The following ZBTB7C variants were observed in gnomAD, a reference collection of about 807,000 sequenced individuals.
The protein encoded by ZBTB7C is zinc finger and BTB domain-containing protein 7C.
ZBTB7C carries 8 observed loss-of-function variants against 25.7 expected under a neutral mutation model. The ratio of observed to expected loss-of-function variants is 0.31; its 90% CI spans 0.18 to 0.56. The LOEUF (loss-of-function observed/expected upper bound fraction) is 0.56. Among genes scored for constraint, ZBTB7C ranks in the 20% least tolerant of loss-of-function variants. The probability of loss-of-function intolerance (pLI) is 0.91; values close to 1 mark genes in which losing one functional copy is unlikely to be tolerated. For synonymous variants in ZBTB7C, 394 were observed against 369.0 expected, an observed-to-expected ratio of 1.07 and a Z score of -0.78; for missense variants, 824 against 855.2, an observed-to-expected ratio of 0.96 and a Z score of 0.46.
intron 2 of ZBTB7C, among the ~76,000 whole-genome samples, chr18:48,272,717 G>T (rs77902176): frequency 0.012 from 1,832 of 152,190 alleles, 24 homozygotes; most frequent in South Asian, 0.031. Flanking sequence ...GTTCATAGCA[G>T]CATTCTTGAT....
At chr18:48,115,545 T>G (rs1300970198) in intron 3 of ZBTB7C, among the ~76,000 whole-genome samples, 1 of 152,094 alleles carries the variant, frequency 6.6e-6, no homozygotes, top group African/African-American at 2.4e-5. Flanking sequence ...GCCTTATGAG[T>G]GACCTTTACA....
At chr18:48,209,136 C>T (rs1306266475) in intron 2 of ZBTB7C, among the ~76,000 whole-genome samples, 1 of 152,222 alleles carries the variant, frequency 6.6e-6, no homozygotes, top group Non-Finnish European at 1.5e-5. Flanking sequence ...GGGGTCTCAG[C>T]TAATGCAGTA....
intron 3 of ZBTB7C, among the ~76,000 whole-genome samples, chr18:48,062,330 G>A (rs2037157602): frequency 6.6e-6 from 1 of 152,192 alleles, no homozygotes; most frequent in South Asian, 2.1e-4. Flanking sequence ...CCTCTCCCCA[G>A]GGAGGACCTG....
rs747635624 is a variant in ZBTB7C at position 48,029,313 on chromosome 18, G to A, written c.1807C>T (p.Pro603Ser). 12 of 1,537,796 alleles carry A rather than the reference G, an allele frequency of 7.8e-6. No individual in the cohort carries two copies. The highest frequency in any genetic ancestry group is 9.6e-6 in the Non-Finnish European group (11 of 1,147,782). Residue 603 changes from proline to serine, a missense_variant, in exon 5 of 5, where the codon CCT becomes TCT. Around this residue, in one of 4 missense-constraint regions of ZBTB7C, gnomAD observed 342 missense variants for 307.0 expected, o/e 1.11. Transcript: ENST00000590800. ...DPWAAGLAGL[P>S]GLAGLNHVAS... Reference sequence around the variant, plus strand: ...ACGTGGTTGAGGCCGGCGAGCCCAGGGAGGCCGGCCAGGCCGGCGGCCCAA... The same window carrying A: ...ACGTGGTTGAGGCCGGCGAGCCCAGAGAGGCCGGCCAGGCCGGCGGCCCAA...
intron 2 of ZBTB7C, among the ~76,000 whole-genome samples, chr18:48,227,413 C>T (rs1321555263): frequency 6.6e-6 from 1 of 152,246 alleles, no homozygotes; most frequent in Non-Finnish European, 1.5e-5. Flanking sequence ...GCTCCACCCT[C>T]TTCCTTTCTG....
At chr18:48,232,684 T>C (rs1052894109) in intron 2 of ZBTB7C, among the ~76,000 whole-genome samples, 5 of 152,238 alleles carry the variant, frequency 3.3e-5, no homozygotes, top group Admixed American at 3.3e-4. Flanking sequence ...ACAGTAAGTC[T>C]GTGGCTGAAC....
intron 2 of ZBTB7C, among the ~76,000 whole-genome samples, chr18:48,307,313 A>G (rs1366000982): frequency 3.9e-5 from 6 of 152,188 alleles, no homozygotes; most frequent in South Asian, 2.1e-4. Context: ...CAAGACAACT[A>G]ATTACTTCTC....
chr18:48,208,587 C>G (rs1348068803), intron 2 of ZBTB7C, among the ~76,000 whole-genome samples: 1 of 152,118 alleles, frequency 6.6e-6, no homozygotes, highest in Admixed American at 6.5e-5. Flanking sequence ...CGTTTAACTC[C>G]TGCAGGCTCC....
intron 4 of ZBTB7C, among the ~76,000 whole-genome samples, chr18:48,032,630 G>T (rs2035812923): frequency 6.7e-6 from 1 of 149,118 alleles, no homozygotes; most frequent in Non-Finnish European, 1.5e-5. Context: ...TAGAGACAGG[G>T]TTTCACCATA....
At chr18:48,108,989 T>G (rs1034486993) in intron 3 of ZBTB7C, among the ~76,000 whole-genome samples, 1 of 152,112 alleles carries the variant, frequency 6.6e-6, no homozygotes, top group African/African-American at 2.4e-5. Context: ...CTCTGAGCTA[T>G]GAACAAAGCC....
chr18:48,059,769 TA>T (rs965830486), intron 3 of ZBTB7C, among the ~76,000 whole-genome samples: 3 of 151,416 alleles, frequency 2.0e-5, no homozygotes, highest in Non-Finnish European at 3.0e-5. Flanking sequence ...TAAAGAATCA[TA>T]AAAAAAAATA....
chr18:48,190,165 ATGTG>A (rs1041146361), intron 2 of ZBTB7C, among the ~76,000 whole-genome samples: 21 of 152,124 alleles, frequency 1.4e-4, no homozygotes, highest in African/African-American at 4.8e-4. Flanking sequence ...CTGTCTGTGA[ATGTG>A]TGGCCACAAA....
chr18:48,312,641 C>T (rs2144801808), intron 2 of ZBTB7C, among the ~76,000 whole-genome samples: 1 of 152,186 alleles, frequency 6.6e-6, no homozygotes, highest in East Asian at 1.9e-4. Flanking sequence ...ATAGTACCTA[C>T]CTCACAGCAA....
chr18:48,179,472 C>G (rs1210920894), intron 3 of ZBTB7C, among the ~76,000 whole-genome samples: 1 of 152,044 alleles, frequency 6.6e-6, no homozygotes, highest in East Asian at 1.9e-4. Context: ...GCTGGGTGGG[C>G]TTCCCAGGGC....
chr18:48,379,029 T>A (rs543644690), intron 1 of ZBTB7C, among the ~76,000 whole-genome samples: 1 of 152,344 alleles, frequency 6.6e-6, no homozygotes, highest in African/African-American at 2.4e-5. Context: ...TTTTAACTTA[T>A]GAGGGGTTTA....
At chr18:48,355,844 G>T (rs527443269) in intron 1 of ZBTB7C, among the ~76,000 whole-genome samples, 2 of 152,318 alleles carry the variant, frequency 1.3e-5, no homozygotes, top group South Asian at 4.1e-4. Flanking sequence ...CTGAGTGGGT[G>T]GGGGTAGGTC....
intron 3 of ZBTB7C, among the ~76,000 whole-genome samples, chr18:48,083,565 C>T (rs935641360): frequency 6.6e-6 from 1 of 152,110 alleles, no homozygotes; most frequent in Non-Finnish European, 1.5e-5. Flanking sequence ...GAGGAGGCTG[C>T]GGTGCAAAGT....
At chr18:48,229,557 A>G (rs1163045743) in intron 2 of ZBTB7C, among the ~76,000 whole-genome samples, 1 of 152,210 alleles carries the variant, frequency 6.6e-6, no homozygotes, top group African/African-American at 2.4e-5. Flanking sequence ...TATGAAAAAC[A>G]TTATATTTCT....
chr18:48,294,623 G>A (rs1412245822), intron 2 of ZBTB7C, among the ~76,000 whole-genome samples: 2 of 151,516 alleles, frequency 1.3e-5, no homozygotes, highest in East Asian at 2.0e-4. Context: ...CCACCCACAC[G>A]GTAAGGTCCC....
Sources: gnomAD v4.1 joint callset for allele counts (sites outside exome capture counted in the v4.1 genomes callset) on GRCh38, gnomAD v4.1.1 for gene constraint, gnomAD v4.1.1 regional missense constraint, MANE v1.5 for transcripts, NCBI Gene and HGNC (gene_info 2026-07-23, HGNC 2026-07-21) for gene names.